The following RBFOX1 variants were observed in gnomAD, a reference collection of about 807,000 sequenced individuals.
RBFOX1 encodes the protein RNA binding protein fox-1 homolog 1.
RBFOX1 carries 8 observed loss-of-function variants against 57.7 expected under a neutral mutation model. The observed-to-expected ratio is 0.14, with a 90% confidence interval of 0.08 to 0.25. The LOEUF (loss-of-function observed/expected upper bound fraction) is 0.25, where lower values mean the gene tolerates loss of function less well. Among genes scored for constraint, RBFOX1 ranks in the 10% least tolerant of loss-of-function variants. The pLI is 1.00. For synonymous variants in RBFOX1, 326 were observed against 222.4 expected (o/e 1.47, Z -4.15); for missense variants, 611 against 548.5 (o/e 1.11, Z -1.14).
intron 3 of RBFOX1, among the ~76,000 whole-genome samples, chr16:5,658,915 G>C (rs569369702): frequency 6.6e-6 from 1 of 150,570 alleles, no homozygotes; most frequent in African/African-American, 2.4e-5. Flanking sequence ...TTATCCACTC[G>C]TTAATTGATG....
intron 3 of RBFOX1, among the ~76,000 whole-genome samples, chr16:7,003,425 A>G (rs2093012471): frequency 1.3e-5 from 2 of 151,702 alleles, no homozygotes; most frequent in Non-Finnish European, 2.9e-5. Context: ...GCGCCACTGT[A>G]CTGCAGCCTG....
intron 4 of RBFOX1, among the ~76,000 whole-genome samples, chr16:7,451,855 G>T (rs1241379933): frequency 5.3e-5 from 8 of 152,122 alleles, no homozygotes; most frequent in African/African-American, 1.7e-4. Flanking sequence ...TCTCAGTGGG[G>T]TTTGTGGGGG....
chr16:6,154,488 A>G (rs569786386), intron 1 of RBFOX1, among the ~76,000 whole-genome samples: 5 of 152,304 alleles, frequency 3.3e-5, no homozygotes, highest in South Asian at 4.1e-4. Flanking sequence ...CTACAGGTAG[A>G]TTCTTTTTTT....
chr16:5,256,487 C>G (rs562952574), intron 1 of RBFOX1, among the ~76,000 whole-genome samples: 1 of 152,206 alleles, frequency 6.6e-6, no homozygotes, highest in African/African-American at 2.4e-5. Flanking sequence ...ATCTGCTTCT[C>G]TCCCAGGACT....
At chr16:7,459,311 C>G (rs1390487741) in intron 4 of RBFOX1, among the ~76,000 whole-genome samples, 2 of 152,160 alleles carry the variant, frequency 1.3e-5, no homozygotes, top group Non-Finnish European at 2.9e-5. Flanking sequence ...TGGAGAAAGT[C>G]CAGAGATCCT....
At chr16:6,547,653 A>C (rs2096914875) in intron 2 of RBFOX1, among the ~76,000 whole-genome samples, 14 of 152,164 alleles carry the variant, frequency 9.2e-5, no homozygotes, top group Admixed American at 9.2e-4. Flanking sequence ...GAAATATAGT[A>C]AATGTGATCG....
intron 3 of RBFOX1, among the ~76,000 whole-genome samples, chr16:5,628,223 T>G (rs1211718178): frequency 6.6e-6 from 1 of 152,168 alleles, no homozygotes; most frequent in Non-Finnish European, 1.5e-5. Flanking sequence ...AGTGTTTGAG[T>G]TGAGGACTTG....
At chr16:6,724,875 C>T (rs907331426) in intron 3 of RBFOX1, among the ~76,000 whole-genome samples, 4 of 151,972 alleles carry the variant, frequency 2.6e-5, no homozygotes, top group Admixed American at 2.6e-4. Flanking sequence ...AATGCTCTGC[C>T]TCCCCCAAAG....
intron 4 of RBFOX1, among the ~76,000 whole-genome samples, chr16:7,412,171 C>T (rs968228959): frequency 4.6e-5 from 7 of 152,086 alleles, no homozygotes; most frequent in Non-Finnish European, 7.4e-5. Context: ...CCGTCGCTCA[C>T]GGCTGTAATC....
intron 5 of RBFOX1, among the ~76,000 whole-genome samples, chr16:7,551,974 A>G (rs1162145699): frequency 6.6e-6 from 1 of 152,214 alleles, no homozygotes; most frequent in African/African-American, 2.4e-5. Context: ...TAGCATGTGC[A>G]AAGGCCGTGT....
chr16:7,251,395 A>G (rs1210493681), intron 4 of RBFOX1, among the ~76,000 whole-genome samples: 1 of 139,120 alleles, frequency 7.2e-6, no homozygotes, highest in African/African-American at 2.8e-5. Flanking sequence ...TACAGAGCAT[A>G]CTTCTGTCCG....
At chr16:5,545,911 C>G (rs1006468946) in intron 2 of RBFOX1, among the ~76,000 whole-genome samples, 40 of 152,032 alleles carry the variant, frequency 2.6e-4, no homozygotes, top group Admixed American at 2.6e-4. Flanking sequence ...ATAGCAAGAT[C>G]TATTATAAAA....
intron 4 of RBFOX1, among the ~76,000 whole-genome samples, chr16:7,370,120 T>C (rs2097540063): frequency 6.6e-6 from 1 of 152,198 alleles, no homozygotes; most frequent in Non-Finnish European, 1.5e-5. Flanking sequence ...CTGTGTACTG[T>C]AGGACAATTG....
intron 4 of RBFOX1, among the ~76,000 whole-genome samples, chr16:7,101,562 T>G (rs1024352096): frequency 6.6e-6 from 1 of 152,120 alleles, no homozygotes; most frequent in African/African-American, 2.4e-5. Flanking sequence ...AGATCACATA[T>G]TGAACAGTGG....
At chr16:5,360,500 C>T (rs1194629085) in intron 1 of RBFOX1, among the ~76,000 whole-genome samples, 11 of 152,208 alleles carry the variant, frequency 7.2e-5, no homozygotes, top group Admixed American at 7.2e-4. Flanking sequence ...GGAGAGAGTG[C>T]ACCTTCCCGT....
chr16:7,163,815 C>G (rs150905116), intron 4 of RBFOX1, among the ~76,000 whole-genome samples: 2 of 152,176 alleles, frequency 1.3e-5, no homozygotes, highest in African/African-American at 2.4e-5. Context: ...TGCCACCACA[C>G]CCAGCTAATT....
At chr16:6,754,006 C>G (rs2075382319) in intron 3 of RBFOX1, among the ~76,000 whole-genome samples, 1 of 152,140 alleles carries the variant, frequency 6.6e-6, no homozygotes, top group Non-Finnish European at 1.5e-5. Flanking sequence ...GGGTTGTCTT[C>G]TGGTACCCAA....
chr16:6,634,383 C>G (rs2154063871), intron 2 of RBFOX1, among the ~76,000 whole-genome samples: 1 of 152,022 alleles, frequency 6.6e-6, no homozygotes, highest in East Asian at 1.9e-4. Context: ...GGCAAAAAAC[C>G]AAACCTCCGT....
At chr16:6,632,747 C>T (rs925441633) in intron 2 of RBFOX1, among the ~76,000 whole-genome samples, 4 of 152,184 alleles carry the variant, frequency 2.6e-5, no homozygotes, top group Non-Finnish European at 4.4e-5. Context: ...CTTAAGCAGC[C>T]GCAAGGCCTA....
Sources: allele counts gnomAD v4.1 joint callset (sites outside exome capture counted in the v4.1 genomes callset), GRCh38; gene constraint gnomAD v4.1.1; transcripts MANE v1.5; gene names NCBI Gene and HGNC (gene_info 2026-07-23, HGNC 2026-07-21).